RARB: variants seen among roughly 807,000 people sequenced by gnomAD.
RARB encodes the protein HBV-activated protein.
Under a neutral mutation model 51.9 loss-of-function variants are expected in RARB, and 17 were observed. The ratio of observed to expected loss-of-function variants is 0.33; its 90% confidence interval spans 0.22 to 0.49. The LOEUF (loss-of-function observed/expected upper bound fraction) is 0.49, where lower values mean the gene tolerates loss of function less well. RARB is among the 20% of genes least tolerant of loss of function. RARB has a pLI of 0.99. For missense variants in RARB, 369 were observed against 550.8 expected, an observed-to-expected ratio of 0.67 and a Z score of 3.30; for synonymous variants, 215 against 195.4, an observed-to-expected ratio of 1.10 and a Z score of -0.84.
chr3:24,960,113 A>T (rs944135735), intron 2 of RARB, among the ~76,000 whole-genome samples: 2 of 152,200 alleles, frequency 1.3e-5, no homozygotes, highest in African/African-American at 4.8e-5. Flanking sequence ...AGTTTCTCCT[A>T]TAATGTTCTT....
chr3:25,285,882 A>G (rs552081190), intron 5 of RARB, among the ~76,000 whole-genome samples: 1 of 152,060 alleles, frequency 6.6e-6, no homozygotes, highest in East Asian at 1.9e-4. Context: ...TGGTTGGTGT[A>G]ACCACCAATA....
At chr3:25,012,292 TTTC>T (rs1697415701) in intron 2 of RARB, among the ~76,000 whole-genome samples, 1 of 152,110 alleles carries the variant, frequency 6.6e-6, no homozygotes, top group Non-Finnish European at 1.5e-5. Context: ...AAGCAGTTTG[TTTC>T]TTATTAAAAA....
At chr3:25,516,196 CA>C (rs1308792726) in intron 3 of RARB, among the ~76,000 whole-genome samples, 1 of 152,152 alleles carries the variant, frequency 6.6e-6, no homozygotes, top group African/African-American at 2.4e-5. Flanking sequence ...TAGGGCTATG[CA>C]CTCCAAATTA....
At chr3:25,168,247 G>C (rs1700590765) in intron 4 of RARB, among the ~76,000 whole-genome samples, 2 of 151,988 alleles carry the variant, frequency 1.3e-5, no homozygotes. Context: ...TTGAGATGGA[G>C]TGTTGCTCTG....
chr3:24,933,173 C>A (rs958028961), intron 2 of RARB, among the ~76,000 whole-genome samples: 7 of 151,912 alleles, frequency 4.6e-5, no homozygotes, highest in African/African-American at 1.7e-4. Context: ...TAAAAATATG[C>A]AAATCCTATA....
At chr3:25,415,903 C>T (rs1282859208) in intron 5 of RARB, among the ~76,000 whole-genome samples, 4 of 152,170 alleles carry the variant, frequency 2.6e-5, no homozygotes, top group Non-Finnish European at 5.9e-5. Context: ...ATTGAAGAGA[C>T]TACTTTTTTT....
At chr3:25,144,781 A>AGCAT (rs1488405550) in intron 4 of RARB, among the ~76,000 whole-genome samples, 1 of 152,180 alleles carries the variant, frequency 6.6e-6, no homozygotes, top group Non-Finnish European at 1.5e-5. Context: ...GGCCGATAGG[A>AGCAT]GCATGTGATC....
intron 4 of RARB, among the ~76,000 whole-genome samples, chr3:25,160,708 C>G (rs2125346306): frequency 6.6e-6 from 1 of 152,302 alleles, no homozygotes; most frequent in Non-Finnish European, 1.5e-5. Flanking sequence ...TATCTTATAG[C>G]TCTGGAGGTC....
chr3:25,318,739 C>T (rs7617171), intron 5 of RARB, among the ~76,000 whole-genome samples: 85,979 of 152,022 alleles, frequency 0.57, 24,691 homozygotes, highest in East Asian at 0.88. Context: ...GCCACCATAA[C>T]AGTGCTTAGC....
chr3:25,324,160 C>G (rs1704647145), intron 5 of RARB: 1 of 152,530 alleles, frequency 6.6e-6, no homozygotes, highest in African/African-American at 2.4e-5. Context: ...TTTTTGACTT[C>G]TGGAAATGTA....
chr3:24,892,408 C>T (rs570345001), intron 2 of RARB, among the ~76,000 whole-genome samples: 49 of 152,094 alleles, frequency 3.2e-4, no homozygotes, highest in African/African-American at 1.2e-3. Flanking sequence ...ATAAACTGCT[C>T]AGTTGTTTGC....
chr3:25,512,622 T>C (rs999975361), intron 3 of RARB, among the ~76,000 whole-genome samples: 1 of 152,214 alleles, frequency 6.6e-6, no homozygotes, highest in African/African-American at 2.4e-5. Context: ...TCTCTCTGCC[T>C]GCAATGCCTT....
intron 5 of RARB, among the ~76,000 whole-genome samples, chr3:25,359,605 G>C (rs1353523179): frequency 6.6e-6 from 1 of 152,114 alleles, no homozygotes; most frequent in East Asian, 1.9e-4. Context: ...TTCTTCTGTG[G>C]GCATTTAGTG....
At chr3:25,346,614 T>A (rs140276372) in intron 5 of RARB, among the ~76,000 whole-genome samples, 1 of 152,340 alleles carries the variant, frequency 6.6e-6, no homozygotes, top group East Asian at 1.9e-4. Flanking sequence ...GTGCAGCCAC[T>A]GCAGAATGTG....
At chr3:24,901,425 G>A (rs1337763452) in intron 2 of RARB, among the ~76,000 whole-genome samples, 1 of 151,992 alleles carries the variant, frequency 6.6e-6, no homozygotes, top group African/African-American at 2.4e-5. Flanking sequence ...TTACTTTTTT[G>A]AGACAGGACC....
chr3:25,481,865 C>G (rs949238960), intron 2 of RARB, among the ~76,000 whole-genome samples: 3 of 152,230 alleles, frequency 2.0e-5, no homozygotes, highest in African/African-American at 7.2e-5. Flanking sequence ...ACTGCTTATG[C>G]TCTGCCAGGT....
chr3:25,475,084 C>T (rs116075240), intron 2 of RARB, among the ~76,000 whole-genome samples: 2,277 of 152,258 alleles, frequency 0.015, 26 homozygotes, highest in Non-Finnish European at 0.02. Flanking sequence ...GCAGGCACTT[C>T]TTTTGCTATG....
chr3:25,407,246 A>T (rs1707435139), intron 5 of RARB, among the ~76,000 whole-genome samples: 1 of 152,192 alleles, frequency 6.6e-6, no homozygotes, highest in Admixed American at 6.5e-5. Flanking sequence ...CACTACAAAC[A>T]AACAGACGGG....
chr3:24,844,505 T>C (rs1271821801), intron 1 of RARB, among the ~76,000 whole-genome samples: 2 of 152,022 alleles, frequency 1.3e-5, no homozygotes, highest in East Asian at 1.9e-4. Context: ...TGGCATACGA[T>C]GTGACTGCAG....
Sources: gnomAD v4.1 joint callset for allele counts (sites outside exome capture counted in the v4.1 genomes callset) on GRCh38, gnomAD v4.1.1 for gene constraint, MANE v1.5 for transcripts, NCBI Gene and HGNC (gene_info 2026-07-23, HGNC 2026-07-21) for gene names.